Variants in LRCH1 observed in about 807,000 individuals in gnomAD.
The protein encoded by LRCH1 is leucine rich repeats and calponin homology domain containing 1.
A neutral mutation model predicts 94.9 loss-of-function variants in LRCH1; 23 were observed. That is an observed-to-expected ratio of 0.24 (90% CI 0.17 to 0.34). The LOEUF is 0.34. LRCH1 is among the 10% of genes least tolerant of loss of function. The pLI is 1.00. For synonymous variants in LRCH1, 364 were observed against 354.9 expected (o/e 1.03, Z -0.29); for missense variants, 790 against 945.9 (o/e 0.84, Z 2.16).
Position 46,553,561 on chromosome 13 carries a change from C to T in LRCH1, c.165C>T (p.Phe55=). 3 of 1,548,420 alleles carry T rather than the reference C, an allele frequency of 1.9e-6. No homozygotes were observed. The East Asian group carries it at 7.3e-5, about 38-fold the overall frequency. Residue 55 remains phenylalanine (F), a synonymous_variant, in exon 1 of 20, where the codon TTC becomes TTT. Transcript: ENST00000389797. The part of the protein sequence containing the change: ...AGGGGGGSGG[F]NLPLNRGLER... ...GTGGCGGCGGTGGCAGCGGGGGCTT[C>T]AACCTGCCCTTGAACCGGGGTCTGG...
intron 1 of LRCH1, among the ~76,000 whole-genome samples, chr13:46,619,114 T>TCCTTCCTTCCTTCC (rs199724868): frequency 1.6e-3 from 17 of 10,636 alleles, no homozygotes; most frequent in African/African-American, 8.2e-3. Context: ...CTTCCTTCCT[T>TCCTTCCTTCCTTCC]TTTTTTGGTT....
intron 1 of LRCH1, among the ~76,000 whole-genome samples, chr13:46,555,177 C>T (rs923570649): frequency 1.4e-4 from 21 of 152,162 alleles, no homozygotes; most frequent in African/African-American, 5.1e-4. Context: ...GAGTGTCTTT[C>T]AATAAGACCT....
chr13:46,662,841 A>G (rs2051467424), intron 2 of LRCH1, among the ~76,000 whole-genome samples: 1 of 152,246 alleles, frequency 6.6e-6, no homozygotes, highest in Non-Finnish European at 1.5e-5. Flanking sequence ...TGTGAAATAA[A>G]TGACTGTTGC....
intron 2 of LRCH1, among the ~76,000 whole-genome samples, chr13:46,663,584 T>C (rs145761981): frequency 8.3e-4 from 127 of 152,350 alleles, no homozygotes; most frequent in African/African-American, 3.0e-3. Flanking sequence ...AAAAAGTTAC[T>C]CTAACTTTGA....
chr13:46,601,979 A>T (rs2050633773), intron 1 of LRCH1, among the ~76,000 whole-genome samples: 1 of 152,182 alleles, frequency 6.6e-6, no homozygotes, highest in Non-Finnish European at 1.5e-5. Flanking sequence ...TTGTAACCTG[A>T]ATGTTTTTAT....
Position 46,641,972 on chromosome 13 carries a change from C to T in LRCH1, c.308-8229C>T, listed in dbSNP as rs569628379. 2.0e-5 allele frequency among the ~76,000 whole-genome samples: 3 copies of T among 152,258 alleles called. No individual in the cohort carries two copies. In the South Asian group the frequency reaches 6.2e-4, roughly 32 times the overall value. On this transcript the variant is annotated intron_variant, in intron 1 of 19. Transcript: ENST00000389797. ...CATTAAGAGGCGGACGTGGGGAGGA[C>T]GTGGTTCTGGGGTTCCGGTTTGCTG... is the stretch of plus-strand genomic sequence containing the variant.
chr13:46,614,812 G>C (rs779715124), intron 1 of LRCH1, among the ~76,000 whole-genome samples: 1 of 152,086 alleles, frequency 6.6e-6, no homozygotes, highest in Non-Finnish European at 1.5e-5. Context: ...TGTATATCAC[G>C]GTGCAGTATC....
chr13:46,728,822 G>A, intron 17 of LRCH1, 25 bp from the exon 18 acceptor site: 1 of 1,580,320 alleles, frequency 6.3e-7, no homozygotes, highest in Non-Finnish European at 8.6e-7. Context: ...CATATTAACT[G>A]GCTTCCTTCT....
At chr13:46,692,416 C>A (rs1870945195) in intron 7 of LRCH1, 120 bp from the exon 8 acceptor site, 1 of 683,436 alleles carries the variant, frequency 1.5e-6, no homozygotes, top group Non-Finnish European at 2.4e-6. Context: ...TTGTATCTGG[C>A]AACTTATATT....
intron 1 of LRCH1, among the ~76,000 whole-genome samples, chr13:46,584,735 C>A (rs1265907918): frequency 1.3e-5 from 2 of 152,188 alleles, no homozygotes; most frequent in Admixed American, 6.5e-5. Flanking sequence ...TGAACTTAAT[C>A]ATTTTTTGTT....
chr13:46,714,667 AT>A (rs2138204241), intron 15 of LRCH1, among the ~76,000 whole-genome samples: 1 of 152,282 alleles, frequency 6.6e-6, no homozygotes, highest in Non-Finnish European at 1.5e-5. Context: ...ACACCCAAAT[AT>A]TTATATCTAG....
chr13:46,705,189 T>G, intron 12 of LRCH1, 32 bp downstream of exon 12: 3 of 1,589,768 alleles, frequency 1.9e-6, no homozygotes, highest in Non-Finnish European at 2.6e-6. Context: ...AATTATGTTT[T>G]CTCTTTTCAT....
chr13:46,629,938 A>G (rs1483781098), intron 1 of LRCH1, among the ~76,000 whole-genome samples: 1 of 152,214 alleles, frequency 6.6e-6, no homozygotes, highest in African/African-American at 2.4e-5. Flanking sequence ...GCAGGTCTTT[A>G]AAGAATGAAT....
chr13:46,684,726 A>C (rs1272070439), intron 4 of LRCH1, among the ~76,000 whole-genome samples: 1 of 152,132 alleles, frequency 6.6e-6, no homozygotes, highest in East Asian at 1.9e-4. Flanking sequence ...CTCCAGGATT[A>C]GTGTGGCCTG....
chr13:46,676,564 A>G lies in LRCH1; in HGVS notation c.580-5177A>G, dbSNP rs532446740. ...TACGTGATAGGAGGCTACTATTAGTAGCTTGCAGTTCCTGTCAGAACGTTT... is the reference window on the plus strand; with the variant it reads ...TACGTGATAGGAGGCTACTATTAGTGGCTTGCAGTTCCTGTCAGAACGTTT... On this transcript the variant is annotated intron_variant, in intron 3 of 19. Coordinates refer to ENST00000389797, the MANE Select transcript of LRCH1 (RefSeq NM_001164211.2). Among the ~76,000 whole-genome samples, 3 of 152,296 alleles carry G rather than the reference A, an allele frequency of 2.0e-5. No individual in the cohort carries two copies. The South Asian group carries it at 6.2e-4, about 32-fold the overall frequency.
chr13:46,556,489 C>T (rs2050067336), intron 1 of LRCH1, among the ~76,000 whole-genome samples: 1 of 152,098 alleles, frequency 6.6e-6, no homozygotes, highest in Non-Finnish European at 1.5e-5. Context: ...AAAGACTGAT[C>T]CACGCAGGTG....
intron 1 of LRCH1, among the ~76,000 whole-genome samples, chr13:46,582,487 T>C (rs966158832): frequency 2.0e-4 from 10 of 50,608 alleles, no homozygotes; most frequent in African/African-American, 6.0e-4. Context: ...GATGAACATA[T>C]TGTTTTTTTT....
At chr13:46,583,654 G>GCCTGTGATGGTCTC (rs2050397664) in intron 1 of LRCH1, among the ~76,000 whole-genome samples, 1 of 152,148 alleles carries the variant, frequency 6.6e-6, no homozygotes, top group African/African-American at 2.4e-5. Flanking sequence ...GTTTCCTAGA[G>GCCTGTGATGGTCTC]TAAATGTTAT....
At chr13:46,688,616 C>T (rs148436375) in intron 6 of LRCH1, among the ~76,000 whole-genome samples, 1 of 152,268 alleles carries the variant, frequency 6.6e-6, no homozygotes, top group East Asian at 1.9e-4. Context: ...TCTTTTCCTT[C>T]ACTTTTTGCT....
Sources: gnomAD v4.1 joint callset for allele counts (sites outside exome capture counted in the v4.1 genomes callset) on GRCh38, gnomAD v4.1.1 for gene constraint, MANE v1.5 for transcripts, NCBI Gene and HGNC (gene_info 2026-07-23, HGNC 2026-07-21) for gene names.